The following CPLX2 variants were observed in gnomAD, a reference collection of about 807,000 sequenced individuals.
The protein encoded by CPLX2 is complexin 2, also known as complexin-2.
A neutral mutation model predicts 16.3 loss-of-function variants in CPLX2; 5 were observed. The observed-to-expected ratio is 0.31, with a 90% CI of 0.16 to 0.64. The LOEUF is 0.64. Ranked by LOEUF, CPLX2 falls within the 30% of genes least tolerant of loss-of-function variation. The pLI is 0.79. For missense variants in CPLX2, 144 were observed against 181.4 expected (o/e 0.79, Z 1.18); for synonymous variants, 89 against 73.2 (o/e 1.22, Z -1.10).
At chr5:175,798,103 T>G (rs1486285586) in intron 1 of CPLX2, among the ~76,000 whole-genome samples, 3 of 152,202 alleles carry the variant, frequency 2.0e-5, no homozygotes, top group African/African-American at 7.2e-5. Context: ...ATAACATTCA[T>G]AGAGAAGTCT....
At chr5:175,839,712 C>T (rs1446177908) in intron 2 of CPLX2, among the ~76,000 whole-genome samples, 3 of 152,248 alleles carry the variant, frequency 2.0e-5, no homozygotes, top group African/African-American at 7.2e-5. Flanking sequence ...ATTTTATCCT[C>T]TGCACTAATT....
chr5:175,864,762 A>G (rs1239894833), intron 2 of CPLX2, among the ~76,000 whole-genome samples: 1 of 152,184 alleles, frequency 6.6e-6, no homozygotes, highest in Non-Finnish European at 1.5e-5. Context: ...TAGGGTTGTC[A>G]TATGGCTTAA....
chr5:175,871,811 C>T (rs1003802324), intron 1 of CPLX2, 106 bp downstream of exon 1: 1 of 152,554 alleles, frequency 6.6e-6, no homozygotes, highest in Non-Finnish European at 1.5e-5. Context: ...GGGAGCACGG[C>T]TTTCGGGGGG....
At chr5:175,828,505 A>G (rs1561776212) in intron 2 of CPLX2, among the ~76,000 whole-genome samples, 1 of 152,208 alleles carries the variant, frequency 6.6e-6, no homozygotes, top group East Asian at 1.9e-4. Flanking sequence ...ACTGCCGTAT[A>G]AGCTAGTGAG....
At chr5:175,841,204 C>T (rs955504414) in intron 2 of CPLX2, among the ~76,000 whole-genome samples, 15 of 152,334 alleles carry the variant, frequency 9.8e-5, no homozygotes, top group Admixed American at 2.6e-4. Flanking sequence ...TCTCAGCATA[C>T]ATCTCAGCCC....
intron 1 of CPLX2, among the ~76,000 whole-genome samples, chr5:175,877,466 C>T (rs1158723569): frequency 6.6e-6 from 1 of 152,180 alleles, no homozygotes; most frequent in Non-Finnish European, 1.5e-5. Context: ...ATCTGCCACC[C>T]TTTCCCAGGA....
chr5:175,860,509 AG>A (rs1759345941), intron 2 of CPLX2, among the ~76,000 whole-genome samples: 1 of 21,616 alleles, frequency 4.6e-5, no homozygotes, highest in African/African-American at 2.2e-4. Context: ...AAAGAAAGAA[AG>A]AAAGAAAAAG....
chr5:175,809,907 A>T lies in CPLX2; in HGVS notation c.-89+839A>T, dbSNP rs954192560. On this transcript the variant is annotated intron_variant, in intron 2 of 4. Transcript: ENST00000359546. This position sits in a 1 kb window ranked among gnomAD's most constrained non-coding sequence, Gnocchi z 4.4. ...GTGAGCCACATATTTGCACAGAGAGAGTGTATGTGGATATAGAGATCGCTC... is the reference window on the plus strand; with the variant it reads ...GTGAGCCACATATTTGCACAGAGAGTGTGTATGTGGATATAGAGATCGCTC... 1.3e-5 allele frequency among the ~76,000 whole-genome samples: 2 copies of T among 152,116 alleles called. No individual in the cohort carries two copies. Among genetic ancestry groups the T allele is most frequent in the East Asian group, 3.8e-4 (2 of 5,198 alleles).
At chr5:175,869,933 C>T (rs1253277434), upstream of CPLX2, among the ~76,000 whole-genome samples, 1 of 152,198 alleles carries the variant, frequency 6.6e-6, no homozygotes, top group Admixed American at 6.5e-5. Flanking sequence ...AGAGTGCTGC[C>T]AGCCAGGTCC....
chr5:175,879,207 C>T, intron 3 of CPLX2, 124 bp downstream of exon 3: 1 of 1,039,580 alleles, frequency 9.6e-7, no homozygotes, highest in African/African-American at 1.6e-5. Flanking sequence ...CTGAGCCTCA[C>T]TCTTCTCATC....
intron 2 of CPLX2, among the ~76,000 whole-genome samples, chr5:175,846,765 C>T (rs986804041): frequency 5.9e-5 from 9 of 152,172 alleles, no homozygotes; most frequent in African/African-American, 2.2e-4. Flanking sequence ...GTAAGCTGGA[C>T]TTCTGTCTTC....
intron 1 of CPLX2, among the ~76,000 whole-genome samples, chr5:175,802,591 G>A (rs890105081): frequency 1.3e-5 from 2 of 152,126 alleles, no homozygotes; most frequent in African/African-American, 4.8e-5. Flanking sequence ...AAAAGGCTCC[G>A]AGGAACTCAG....
chr5:175,820,546 T>C (rs10866689), intron 2 of CPLX2, among the ~76,000 whole-genome samples: 151,110 of 152,284 alleles, frequency 0.99, 74,980 homozygotes, highest in East Asian at 1. Context: ...CAATGAGTCC[T>C]AGAAGGGCCT....
intron 3 of CPLX2, 44 bp downstream of exon 3, chr5:175,879,127 GGT>G: frequency 1.3e-6 from 2 of 1,528,070 alleles, no homozygotes; most frequent in Non-Finnish European, 1.8e-6. Context: ...GCCACAAGCG[GGT>G]AAAACCGGTC....
At chr5:175,821,775 G>A (rs1370873156) in intron 2 of CPLX2, among the ~76,000 whole-genome samples, 3 of 152,186 alleles carry the variant, frequency 2.0e-5, no homozygotes, top group Non-Finnish European at 2.9e-5. Context: ...AATGCACTGA[G>A]CCCCTACCGG....
chr5:175,821,568 C>T (rs1965710), intron 2 of CPLX2, among the ~76,000 whole-genome samples: 17,154 of 152,006 alleles, frequency 0.11, 1,000 homozygotes, highest in Middle Eastern at 0.2. Flanking sequence ...TCACCATGCC[C>T]GGCTAATTTT....
In CPLX2 at chr5:175,822,464, C is replaced by T. The variant is rs182871405; in HGVS notation, c.-89+13396C>T. 1.7e-3 allele frequency among the ~76,000 whole-genome samples: 262 copies of T among 152,288 alleles called. 2 individuals are homozygous for T. Among genetic ancestry groups the T allele is most frequent in the Middle Eastern group, 0.017 (5 of 294 alleles). Reference sequence around the variant, plus strand: ...ACCAATGAGACAAAGGATGTGGAAACGCTTCCTACTGTAAATGAGAGTCTT... The same window carrying T: ...ACCAATGAGACAAAGGATGTGGAAATGCTTCCTACTGTAAATGAGAGTCTT... On this transcript the variant is annotated intron_variant, in intron 2 of 4. Transcript: ENST00000359546.
At chr5:175,873,335 T>C (rs1759680611) in intron 1 of CPLX2, among the ~76,000 whole-genome samples, 1 of 151,754 alleles carries the variant, frequency 6.6e-6, no homozygotes, top group African/African-American at 2.4e-5. Flanking sequence ...CACGGGGTCA[T>C]ACTTTCAACG....
In CPLX2 at chr5:175,849,516, T is replaced by C. The variant is rs1759111666; in HGVS notation, c.-88-29136T>C. 6.6e-6 allele frequency among the ~76,000 whole-genome samples: 1 copy of C among 152,152 alleles called. No homozygotes were observed. Among genetic ancestry groups the C allele is most frequent in the Non-Finnish European group, 1.5e-5 (1 of 68,018 alleles). ...ACTTGACCTTGAGGGGCTCCCAGCA[T>C]GGCTGGGGAGATAGCACATAAGCAG... On this transcript the variant is annotated intron_variant, in intron 2 of 4. Coordinates refer to the CPLX2 transcript ENST00000359546. This position sits in a 1 kb window ranked among gnomAD's most constrained non-coding sequence, Gnocchi z 4.4.
Sources: gnomAD v4.1 joint callset for allele counts (sites outside exome capture counted in the v4.1 genomes callset) on GRCh38, gnomAD v4.1.1 for gene constraint, Gnocchi (gnomAD v3.1) non-coding constraint, MANE v1.5 for transcripts, NCBI Gene and HGNC (gene_info 2026-07-23, HGNC 2026-07-21) for gene names.